Variants in KLHL5 observed in about 807,000 individuals in gnomAD.
KLHL5 encodes the protein kelch-like protein 5.
KLHL5 carries 48 observed loss-of-function variants against 77.7 expected under a neutral mutation model. The observed-to-expected ratio is 0.62, with a 90% CI of 0.49 to 0.79. The LOEUF (loss-of-function observed/expected upper bound fraction) is 0.79. KLHL5 is among the 30% of genes least tolerant of loss of function. KLHL5 has a pLI of 0.00. For missense variants in KLHL5, 723 were observed against 859.7 expected (o/e 0.84, Z 1.99); for synonymous variants, 260 against 297.0 (o/e 0.88, Z 1.28).
intron 1 of KLHL5, among the ~76,000 whole-genome samples, chr4:39,054,991 T>G (rs983197306): frequency 2.0e-5 from 3 of 152,230 alleles, no homozygotes; most frequent in African/African-American, 7.2e-5. Context: ...GATGAAAGTG[T>G]AAAGAAAAGA....
At chr4:39,052,714 A>G (rs1716741762) in intron 1 of KLHL5, among the ~76,000 whole-genome samples, 1 of 152,100 alleles carries the variant, frequency 6.6e-6, no homozygotes, top group Non-Finnish European at 1.5e-5. Context: ...TTCTTTGGGG[A>G]GCTATTTCTC....
In KLHL5 at chr4:39,047,573, A is replaced by T. The variant is rs2711963; in HGVS notation, c.-95+2477A>T. 2.6e-5 allele frequency among the ~76,000 whole-genome samples: 4 copies of T among 152,210 alleles called. No homozygotes were observed. The East Asian group carries it at 5.8e-4, about 22-fold the overall frequency. ...ATAATCTAAAAGTCGGCATTTTAAC[A>T]TACTGTATAGCAAAGGAGAACACTA... On this transcript the variant is annotated intron_variant, in intron 1 of 11. Coordinates refer to the KLHL5 transcript ENST00000261425.
At chr4:39,066,786 A>C (rs1410610959) in intron 1 of KLHL5, among the ~76,000 whole-genome samples, 3 of 152,214 alleles carry the variant, frequency 2.0e-5, no homozygotes, top group African/African-American at 7.2e-5. Flanking sequence ...AGTCTTCACA[A>C]CAAATTCTTG....
At chr4:39,110,895 T>C (rs1036277468) in intron 8 of KLHL5, among the ~76,000 whole-genome samples, 13 of 152,348 alleles carry the variant, frequency 8.5e-5, no homozygotes, top group African/African-American at 2.9e-4. Flanking sequence ...ATAGACACTA[T>C]CGTGGTGAAG....
At chr4:39,082,447 A>G (rs1228777207) in intron 4 of KLHL5, among the ~76,000 whole-genome samples, 2 of 151,746 alleles carry the variant, frequency 1.3e-5, no homozygotes, top group African/African-American at 4.8e-5. Flanking sequence ...TTAAAATAGG[A>G]CTCTCCCCAA....
chr4:39,092,819 T>G (rs564283266), intron 5 of KLHL5, among the ~76,000 whole-genome samples: 1 of 152,302 alleles, frequency 6.6e-6, no homozygotes, highest in South Asian at 2.1e-4. Context: ...AAACCACATT[T>G]TCCACCTTCC....
At chr4:39,085,545 T>C (rs1272015985) in intron 4 of KLHL5, among the ~76,000 whole-genome samples, 3 of 152,168 alleles carry the variant, frequency 2.0e-5, no homozygotes, top group Non-Finnish European at 4.4e-5. Flanking sequence ...GTATTTGCAT[T>C]TATAACCGTG....
At position 39,073,833 on chromosome 4, in the gene KLHL5, T is replaced by TA. The variant is rs1553888806; in HGVS notation, c.384-2132_384-2131insA. Among the ~76,000 whole-genome samples, 826 of 150,574 alleles carry TA rather than the reference T, an allele frequency of 5.5e-3. 4 individuals carry two copies. The highest frequency in any genetic ancestry group is 0.01 in the Middle Eastern group (3 of 290). On this transcript the variant is annotated intron_variant, in intron 1 of 10. Coordinates refer to ENST00000504108, the MANE Select transcript of KLHL5 (RefSeq NM_015990.5). ...CTAATTTTTTTTTTATTTTTATTTT[T>TA]TTTTTTGTATTTTTAGTAGAGACGG...
At chr4:39,114,000 T>C (rs1722652849) in intron 9 of KLHL5, among the ~76,000 whole-genome samples, 1 of 152,068 alleles carries the variant, frequency 6.6e-6, no homozygotes, top group Admixed American at 6.6e-5. Flanking sequence ...GTCTGTTGGA[T>C]GTGATCAGAT....
At chr4:39,055,145 GTCA>G (rs1272555676) in intron 1 of KLHL5, among the ~76,000 whole-genome samples, 1 of 152,224 alleles carries the variant, frequency 6.6e-6, no homozygotes, top group East Asian at 1.9e-4. Flanking sequence ...AGCAGGGCCT[GTCA>G]AAGGCCATCA....
Position 39,124,925 on chromosome 4 carries a change from GTAAGGAACTAATACCTAGAATATA to G in KLHL5, c.*3869_*3892del, listed in dbSNP as rs1179178180. ...AATATTTGTAAATCTTACATATCTGGTAAGGAACTAATACCTAGAATATATAAGGAACTCCGATGCTCGACAACA... is the reference window on the plus strand; with the variant it reads ...AATATTTGTAAATCTTACATATCTGGTAAGGAACTCCGATGCTCGACAACA... On this transcript the variant is annotated 3_prime_UTR_variant, in exon 11 of 11. Transcript: ENST00000504108. 6.6e-6 allele frequency among the ~76,000 whole-genome samples: 1 copy of G among 151,700 alleles called. No individual in the cohort carries two copies. Among genetic ancestry groups the G allele is most frequent in the Non-Finnish European group, 1.5e-5 (1 of 67,966 alleles).
At chr4:39,071,930 T>A (rs1718513810) in intron 1 of KLHL5, among the ~76,000 whole-genome samples, 1 of 152,232 alleles carries the variant, frequency 6.6e-6, no homozygotes, top group South Asian at 2.1e-4. Context: ...TGGTATCATA[T>A]AAGCAAAACT....
intron 1 of KLHL5, among the ~76,000 whole-genome samples, chr4:39,072,032 C>T (rs1718525585): frequency 2.0e-5 from 3 of 152,138 alleles, no homozygotes; most frequent in South Asian, 2.1e-4. Flanking sequence ...TCAGGAATGG[C>T]CTATTCCCAG....
At chr4:39,087,657 A>G (rs1720173381) in intron 5 of KLHL5, among the ~76,000 whole-genome samples, 1 of 152,156 alleles carries the variant, frequency 6.6e-6, no homozygotes, top group Non-Finnish European at 1.5e-5. Flanking sequence ...TTACATGCAT[A>G]GTTTTCCCCT....
intron 6 of KLHL5, among the ~76,000 whole-genome samples, chr4:39,101,933 CACAT>C (rs1721602518): frequency 7.8e-6 from 1 of 128,234 alleles, no homozygotes; most frequent in African/African-American, 2.9e-5. Flanking sequence ...CATATATACA[CACAT>C]ATATACACAC....
intron 1 of KLHL5, among the ~76,000 whole-genome samples, chr4:39,056,251 T>C (rs1716998358): frequency 6.6e-6 from 1 of 152,180 alleles, no homozygotes; most frequent in South Asian, 2.1e-4. Flanking sequence ...GCCTCCTGAA[T>C]AGCTGGAACT....
intron 6 of KLHL5, among the ~76,000 whole-genome samples, chr4:39,099,738 G>C (rs930753865): frequency 3.3e-5 from 5 of 152,210 alleles, no homozygotes; most frequent in African/African-American, 1.2e-4. Context: ...TTTCTAACCT[G>C]AATAACATAT....
At chr4:39,133,595 A>T in the KLHL5 span, among the ~76,000 whole-genome samples, 1 of 151,670 alleles carries the variant, frequency 6.6e-6, no homozygotes, top group Non-Finnish European at 1.5e-5. Flanking sequence ...GTTTTTAATT[A>T]AAAAAAAATT....
At chr4:39,142,825 G>A in the KLHL5 span, among the ~76,000 whole-genome samples, 1,331 of 149,752 alleles carry the variant, frequency 8.9e-3, 10 homozygotes, top group Middle Eastern at 0.045. Flanking sequence ...TGGTGCATAC[G>A]ACATAGTTCT....
Sources: gnomAD v4.1 joint callset for allele counts (sites outside exome capture counted in the v4.1 genomes callset) on GRCh38, gnomAD v4.1.1 for gene constraint, MANE v1.5 for transcripts, NCBI Gene and HGNC (gene_info 2026-07-23, HGNC 2026-07-21) for gene names.